CENPP: variants seen among roughly 807,000 people sequenced by gnomAD.
CENPP encodes the protein centromere protein P.
Under a neutral mutation model 35.6 loss-of-function variants are expected in CENPP, and 24 were observed. The ratio of observed to expected loss-of-function variants is 0.67; its 90% CI spans 0.49 to 0.95. The LOEUF (loss-of-function observed/expected upper bound fraction) is 0.95. Ranked by LOEUF, CENPP falls within the 40% of genes least tolerant of loss-of-function variation. CENPP has a pLI of 0.00. For synonymous variants in CENPP, 120 were observed against 125.5 expected (o/e 0.96, Z 0.29); for missense variants, 332 against 345.3 (o/e 0.96, Z 0.31).
At chr9:92,566,320 C>G (rs1239203521) in intron 5 of CENPP, among the ~76,000 whole-genome samples, 1 of 149,522 alleles carries the variant, frequency 6.7e-6, no homozygotes, top group Non-Finnish European at 1.5e-5. Flanking sequence ...AACAAAAACA[C>G]AAAAAGACAT....
intron 4 of CENPP, among the ~76,000 whole-genome samples, chr9:92,369,303 G>A (rs944107314): frequency 2.0e-5 from 3 of 152,138 alleles, no homozygotes; most frequent in African/African-American, 4.8e-5. Context: ...AGTGTAAGCC[G>A]GCTTAAGCTT....
At chr9:92,435,763 A>G (rs2130994206) in intron 5 of CENPP, among the ~76,000 whole-genome samples, 1 of 152,304 alleles carries the variant, frequency 6.6e-6, no homozygotes, top group East Asian at 1.9e-4. Context: ...TTTATTACTG[A>G]GTGATATTCC....
intron 5 of CENPP, chr9:92,517,293 C>T (rs565788286): frequency 3.9e-6 from 1 of 255,686 alleles, no homozygotes; most frequent in Non-Finnish European, 7.4e-6. Flanking sequence ...CCTTTGTTTA[C>T]CCTGGCTTCA....
At chr9:92,568,905 G>A (rs1489881373) in intron 5 of CENPP, among the ~76,000 whole-genome samples, 1 of 152,132 alleles carries the variant, frequency 6.6e-6, no homozygotes, top group Non-Finnish European at 1.5e-5. Context: ...GTCTGTTCAT[G>A]TCCTTTGCCC....
chr9:92,504,700 A>AT (rs942622344), intron 5 of CENPP, among the ~76,000 whole-genome samples: 16 of 150,862 alleles, frequency 1.1e-4, no homozygotes, highest in Admixed American at 2.6e-4. Flanking sequence ...ATGACTGGCT[A>AT]TTTTTTTTTA....
At chr9:92,548,795 A>G (rs941453559) in intron 5 of CENPP, among the ~76,000 whole-genome samples, 3 of 152,216 alleles carry the variant, frequency 2.0e-5, no homozygotes, top group Admixed American at 6.5e-5. Context: ...CAAAGATAAC[A>G]TTTGTTCTTA....
intron 5 of CENPP, chr9:92,464,592 C>G (rs1845235618): frequency 8.7e-6 from 4 of 461,146 alleles, no homozygotes; most frequent in South Asian, 6.5e-5. Context: ...TCTCTGCTTT[C>G]TTCTGTATAG....
chr9:92,467,660 T>A (rs185068312), intron 5 of CENPP, among the ~76,000 whole-genome samples: 1 of 152,318 alleles, frequency 6.6e-6, no homozygotes, highest in East Asian at 1.9e-4. Flanking sequence ...ATTACTCATA[T>A]TGTTGTTGTT....
At chr9:92,441,064 A>C (rs778102973) in intron 5 of CENPP, among the ~76,000 whole-genome samples, 18 of 152,240 alleles carry the variant, frequency 1.2e-4, no homozygotes, top group South Asian at 8.3e-4. Context: ...AATATTAAAC[A>C]TTGAAATAAA....
In CENPP at chr9:92,472,530, C is replaced by T. The variant is rs531035469; in HGVS notation, c.564+92671C>T. On this transcript the variant is annotated intron_variant, in intron 5 of 7. Coordinates refer to ENST00000375587, the MANE Select transcript of CENPP (RefSeq NM_001012267.3). ...AAAATTAGCCAGGCATGGTGGTGTG[C>T]GCCTTTAATCCCAGCTACTCAGGAG... Among the ~76,000 whole-genome samples, 28 of 149,544 alleles carry T rather than the reference C, an allele frequency of 1.9e-4. 1 individual carries two copies. Among genetic ancestry groups the T allele is most frequent in the South Asian group, 1.1e-3 (5 of 4,698 alleles).
At chr9:92,568,908 C>G (rs555207479) in intron 5 of CENPP, among the ~76,000 whole-genome samples, 12 of 152,274 alleles carry the variant, frequency 7.9e-5, no homozygotes, top group African/African-American at 2.9e-4. Flanking sequence ...TGTTCATGTC[C>G]TTTGCCCACT....
chr9:92,600,664 T>C (rs1246839152), intron 5 of CENPP, among the ~76,000 whole-genome samples: 1 of 152,238 alleles, frequency 6.6e-6, no homozygotes, highest in Non-Finnish European at 1.5e-5. Context: ...GGTTGTGTTT[T>C]TGCTCCTGTG....
intron 5 of CENPP, among the ~76,000 whole-genome samples, chr9:92,594,103 G>A (rs1326970060): frequency 6.6e-6 from 1 of 152,080 alleles, no homozygotes; most frequent in South Asian, 2.1e-4. Flanking sequence ...GAAACTGGGT[G>A]TGGGATATGT....
intron 5 of CENPP, chr9:92,460,338 G>A (rs114145311): frequency 5.6e-4 from 315 of 558,166 alleles, no homozygotes; most frequent in African/African-American, 4.8e-3. Flanking sequence ...CCGGCCAATT[G>A]TGGTTCTTTC....
At chr9:92,431,407 C>T (rs1844105660) in intron 5 of CENPP, among the ~76,000 whole-genome samples, 1 of 152,198 alleles carries the variant, frequency 6.6e-6, no homozygotes, top group Non-Finnish European at 1.5e-5. Flanking sequence ...TTGATATTCT[C>T]TAAACTTTTT....
At chr9:92,341,577 C>T (rs1841121319) in intron 3 of CENPP, 5 of 152,314 alleles carry the variant, frequency 3.3e-5, no homozygotes, top group Middle Eastern at 6.8e-3. Context: ...GTAGGTCCCC[C>T]GATAGTAGAA....
intron 5 of CENPP, chr9:92,417,338 G>A (rs1160180887): frequency 1.2e-6 from 2 of 1,614,022 alleles, no homozygotes; most frequent in East Asian, 4.5e-5. Context: ...GTACATTGAT[G>A]ATGGAAAGTT....
At chr9:92,331,609 T>C (rs769461697) in intron 1 of CENPP, among the ~76,000 whole-genome samples, 1 of 152,218 alleles carries the variant, frequency 6.6e-6, no homozygotes, top group Non-Finnish European at 1.5e-5. Flanking sequence ...ATTTGAAAGG[T>C]GTTTCTAATA....
intron 4 of CENPP, among the ~76,000 whole-genome samples, chr9:92,371,963 T>G (rs1388752319): frequency 7.2e-6 from 1 of 137,998 alleles, no homozygotes; most frequent in Non-Finnish European, 1.5e-5. Flanking sequence ...CCTCCCGGGG[T>G]CAAGTGATTC....
Sources: gnomAD v4.1 joint callset for allele counts (sites outside exome capture counted in the v4.1 genomes callset) on GRCh38, gnomAD v4.1.1 for gene constraint, MANE v1.5 for transcripts, NCBI Gene and HGNC (gene_info 2026-07-23, HGNC 2026-07-21) for gene names.